ARHGAP28: variants seen among roughly 807,000 people sequenced by gnomAD.
ARHGAP28 encodes the protein rho GTPase-activating protein 28.
Under a neutral mutation model 90.7 loss-of-function variants are expected in ARHGAP28, and 56 were observed. The observed-to-expected ratio is 0.62, with a 90% confidence interval of 0.50 to 0.77. The LOEUF is 0.77. Ranked by LOEUF, ARHGAP28 falls within the 30% of genes least tolerant of loss-of-function variation. ARHGAP28 has a pLI of 0.00. For synonymous variants in ARHGAP28, 308 were observed against 323.3 expected (o/e 0.95, Z 0.51); for missense variants, 869 against 900.9 (o/e 0.96, Z 0.45).
At chr18:6,806,013 T>C (rs111232557) in intron 1 of ARHGAP28, among the ~76,000 whole-genome samples, 1,941 of 152,030 alleles carry the variant, frequency 0.013, 28 homozygotes, top group African/African-American at 0.039. Context: ...GCCTCCCAAG[T>C]AGCTGGGACT....
intron 1 of ARHGAP28, 67 bp from the exon 2 acceptor site, chr18:6,824,695 T>G (rs1407335721): frequency 7.6e-7 from 1 of 1,322,548 alleles, no homozygotes; most frequent in Non-Finnish European, 1.0e-6. Flanking sequence ...TAATTAAATT[T>G]AATTTTGTGG....
intron 1 of ARHGAP28, among the ~76,000 whole-genome samples, chr18:6,804,454 T>A (rs1484636844): frequency 6.6e-6 from 1 of 152,182 alleles, no homozygotes; most frequent in Non-Finnish European, 1.5e-5. Flanking sequence ...CTGGTACTTG[T>A]TATTTCTAAT....
chr18:6,760,173 C>G (rs1041719760), intron 1 of ARHGAP28, among the ~76,000 whole-genome samples: 1 of 152,224 alleles, frequency 6.6e-6, no homozygotes, highest in East Asian at 1.9e-4. Context: ...AGGTTTTTTC[C>G]GCTTTAGAAA....
chr18:6,833,051 A>G (rs1041426480), intron 2 of ARHGAP28, among the ~76,000 whole-genome samples: 24 of 152,138 alleles, frequency 1.6e-4, no homozygotes, highest in African/African-American at 4.6e-4. Flanking sequence ...CATCAATGCA[A>G]TGTTGTCATT....
chr18:6,912,829 G>A lies in ARHGAP28; in HGVS notation c.*675G>A, dbSNP rs184117325. 6 of 152,300 alleles carry A rather than the reference G, an allele frequency of 3.9e-5. No individual in the cohort carries two copies. Among genetic ancestry groups the A allele is most frequent in the Non-Finnish European group, 7.4e-5 (5 of 68,024 alleles). 9.4% of individuals were successfully genotyped at this position (152,300 alleles called of 1,614,324 possible). A position where few individuals can be genotyped will look rare whatever the true frequency, so the allele number is the denominator to read the frequency against. On this transcript the variant is annotated 3_prime_UTR_variant, in exon 18 of 18. Transcript: ENST00000383472. ...ACTGTGGAAAATTGATACTTTTAAA[G>A]CATATTCTTCTATGAGCACAGGTCC...
intron 1 of ARHGAP28, among the ~76,000 whole-genome samples, chr18:6,758,996 G>A (rs184510322): frequency 3.9e-5 from 6 of 152,248 alleles, no homozygotes; most frequent in East Asian, 1.9e-4. Flanking sequence ...ATATGACACA[G>A]TAAAATTAAA....
At chr18:6,790,820 A>T (rs2056401228) in intron 1 of ARHGAP28, 1 of 152,148 alleles carries the variant, frequency 6.6e-6, no homozygotes, top group Non-Finnish European at 1.5e-5. Flanking sequence ...TGATCAGGGA[A>T]ACCGGGAGAC....
chr18:6,770,387 A>G (rs2143400789), intron 1 of ARHGAP28, among the ~76,000 whole-genome samples: 1 of 152,374 alleles, frequency 6.6e-6, no homozygotes, highest in South Asian at 2.1e-4. Context: ...GCAATAAAGC[A>G]ATTCTACAGG....
At chr18:6,880,187 A>G (rs1000197802) in intron 10 of ARHGAP28, among the ~76,000 whole-genome samples, 1 of 152,090 alleles carries the variant, frequency 6.6e-6, no homozygotes. Flanking sequence ...CCACCTGCCC[A>G]TTACAAATCA....
chr18:6,841,180 C>CCTCTCTCTCTCTCTCTCCTCTCTCT (rs2056814695), intron 3 of ARHGAP28, among the ~76,000 whole-genome samples: 1 of 57,064 alleles, frequency 1.8e-5, no homozygotes, highest in African/African-American at 1.0e-4. Context: ...CTCTCTCTCT[C>CCTCTCTCTCTCTCTCTCCTCTCTCT]CTCTCTCTCT....
chr18:6,829,478 C>A (rs1183150318), intron 2 of ARHGAP28, among the ~76,000 whole-genome samples: 1 of 152,198 alleles, frequency 6.6e-6, no homozygotes, highest in African/African-American at 2.4e-5. Context: ...AAAAGCAGAC[C>A]TACTAATTAC....
At chr18:6,882,359 G>T in intron 11 of ARHGAP28, 60 bp downstream of exon 11, 1 of 1,488,056 alleles carries the variant, frequency 6.7e-7, no homozygotes. Flanking sequence ...AGTGAGAGCA[G>T]AAGAGAGATG....
intron 11 of ARHGAP28, among the ~76,000 whole-genome samples, chr18:6,885,357 G>C (rs888656394): frequency 3.3e-5 from 5 of 152,174 alleles, no homozygotes; most frequent in South Asian, 2.1e-4. Flanking sequence ...CTCTGAAGGG[G>C]AGGATTGTGA....
intron 14 of ARHGAP28, among the ~76,000 whole-genome samples, chr18:6,894,209 A>T (rs1197355590): frequency 6.6e-6 from 1 of 152,130 alleles, no homozygotes; most frequent in Non-Finnish European, 1.5e-5. Context: ...TGGAATAGAC[A>T]GTTCATTAAC....
intron 16 of ARHGAP28, among the ~76,000 whole-genome samples, chr18:6,907,760 G>C (rs1209849335): frequency 6.6e-6 from 1 of 152,140 alleles, no homozygotes; most frequent in African/African-American, 2.4e-5. Flanking sequence ...CAACATTCTG[G>C]TCATGATACT....
In ARHGAP28 at chr18:6,914,365, C is replaced by G. The variant is rs1216744523; in HGVS notation, c.*2211C>G. 1.3e-5 allele frequency: 2 copies of G among 152,084 alleles called. No individual in the cohort carries two copies. The highest frequency in any genetic ancestry group is 2.9e-5 in the Non-Finnish European group (2 of 68,006). The allele number at this position is 152,084 out of a possible 1,614,324, so 9.4% of individuals were successfully genotyped here. ...TGTGTGGCAACTTTCAACTTCCATACGTATATATGTATGTATGGAAGGCCA... is the reference window on the plus strand; with the variant it reads ...TGTGTGGCAACTTTCAACTTCCATAGGTATATATGTATGTATGGAAGGCCA... On this transcript the variant is annotated 3_prime_UTR_variant, in exon 18 of 18. Coordinates refer to ENST00000383472, the MANE Select transcript of ARHGAP28 (RefSeq NM_001366230.1).
intron 1 of ARHGAP28, among the ~76,000 whole-genome samples, chr18:6,769,690 A>G (rs2056227165): frequency 6.6e-6 from 1 of 152,202 alleles, no homozygotes; most frequent in South Asian, 2.1e-4. Context: ...TTCGTGCTCT[A>G]CATTCCTGCT....
intron 1 of ARHGAP28, among the ~76,000 whole-genome samples, chr18:6,739,029 TA>T (rs1278088736): frequency 1.4e-4 from 22 of 152,192 alleles, no homozygotes; most frequent in African/African-American, 4.1e-4. Context: ...TGACATACAT[TA>T]CCCCAGTTAT....
chr18:6,729,995 G>A (rs912242268), intron 1 of ARHGAP28, 52 bp downstream of exon 1: 14 of 1,297,286 alleles, frequency 1.1e-5, no homozygotes, highest in African/African-American at 1.6e-5. Context: ...GGCTTGGGGG[G>A]TTCGCCGTGC....
Sources: gnomAD v4.1 joint callset for allele counts (sites outside exome capture counted in the v4.1 genomes callset) on GRCh38, gnomAD v4.1.1 for gene constraint, MANE v1.5 for transcripts, NCBI Gene and HGNC (gene_info 2026-07-23, HGNC 2026-07-21) for gene names.